Variants in RIMS1 observed in about 807,000 individuals in gnomAD.
RIMS1 encodes the protein regulating synaptic membrane exocytosis 1, also known as regulating synaptic membrane exocytosis protein 1.
Under a neutral mutation model 214.1 loss-of-function variants are expected in RIMS1, and 83 were observed. That is an observed-to-expected ratio of 0.39 (90% CI 0.32 to 0.47). RIMS1 has a LOEUF of 0.47. Ranked by LOEUF, RIMS1 falls within the 20% of genes least tolerant of loss-of-function variation. The pLI, the probability that RIMS1 is intolerant of heterozygous loss-of-function variation, is 0.99. For missense variants in RIMS1, 2,050 were observed against 2,161.8 expected (o/e 0.95, Z 1.03); for synonymous variants, 793 against 786.8 (o/e 1.01, Z -0.13).
At chr6:72,199,793 C>T (rs148870728) in intron 6 of RIMS1, among the ~76,000 whole-genome samples, 2 of 151,940 alleles carry the variant, frequency 1.3e-5, no homozygotes, top group African/African-American at 4.8e-5. Flanking sequence ...TCAGTTTTAA[C>T]AATAGGTAAT....
chr6:72,254,967 A>G (rs181343481), intron 16 of RIMS1, among the ~76,000 whole-genome samples: 2 of 152,324 alleles, frequency 1.3e-5, no homozygotes, highest in African/African-American at 4.8e-5. Context: ...ACTTTAATAG[A>G]ATATGACTAG....
intron 2 of RIMS1, among the ~76,000 whole-genome samples, chr6:71,974,282 G>A (rs141128248): frequency 5.9e-5 from 9 of 152,072 alleles, no homozygotes; most frequent in African/African-American, 2.2e-4. Context: ...TGGTTTCGTG[G>A]GTGGGTGGGA....
At chr6:71,947,760 T>C (rs1561944920) in intron 1 of RIMS1, among the ~76,000 whole-genome samples, 1 of 152,256 alleles carries the variant, frequency 6.6e-6, no homozygotes, top group East Asian at 1.9e-4. Context: ...CTGCATAGTG[T>C]ATACATATAT....
At chr6:72,324,431 T>C (rs553665577) in intron 28 of RIMS1, among the ~76,000 whole-genome samples, 2 of 151,962 alleles carry the variant, frequency 1.3e-5, no homozygotes, top group East Asian at 3.9e-4. Flanking sequence ...AATAGAAGAA[T>C]GCACAACTCA....
Position 72,290,672 on chromosome 6 carries a change from GT to G in RIMS1, c.3555-3del. ...ACTGAAGATCTTTTTTGGCCCTAAT[GT>G]TTTAGGGTTCTCCCAACATGTCTTT... is the stretch of plus-strand genomic sequence containing the variant. On this transcript the variant is annotated splice_region_variant and splice_polypyrimidine_tract_variant and intron_variant, in intron 24 of 33. Coordinates refer to ENST00000521978, the MANE Select transcript of RIMS1 (RefSeq NM_014989.7). The G allele has an allele frequency of 6.2e-7, 1 of 1,611,690 alleles. No homozygotes were observed. The highest frequency in any genetic ancestry group is 1.1e-5 in the South Asian group (1 of 90,732).
chr6:72,110,958 T>C (rs1167975830), intron 4 of RIMS1, among the ~76,000 whole-genome samples: 1 of 152,176 alleles, frequency 6.6e-6, no homozygotes, highest in Non-Finnish European at 1.5e-5. Context: ...GTATAAAAGG[T>C]AATAGGGAGT....
At chr6:72,245,207 A>T (rs930834826) in intron 10 of RIMS1, among the ~76,000 whole-genome samples, 5 of 151,822 alleles carry the variant, frequency 3.3e-5, no homozygotes, top group Admixed American at 3.3e-4. Flanking sequence ...TATTTAGCTA[A>T]CTTCAGTATA....
chr6:71,915,437 G>T (rs909472832), intron 1 of RIMS1, among the ~76,000 whole-genome samples: 2 of 152,092 alleles, frequency 1.3e-5, no homozygotes, highest in African/African-American at 2.4e-5. Flanking sequence ...TGTGTAGGTG[G>T]TCCAAGCTAT....
At chr6:71,899,168 A>G (rs1772804722) in intron 1 of RIMS1, among the ~76,000 whole-genome samples, 1 of 152,116 alleles carries the variant, frequency 6.6e-6, no homozygotes, top group Non-Finnish European at 1.5e-5. Flanking sequence ...ACATTTCTTA[A>G]TTGTGATAAT....
chr6:71,982,793 A>G (rs1054807155), intron 2 of RIMS1, among the ~76,000 whole-genome samples: 3 of 151,814 alleles, frequency 2.0e-5, no homozygotes, highest in African/African-American at 7.3e-5. Context: ...CTATTCCTTT[A>G]CTAGTCTAAT....
At chr6:72,362,267 A>G (rs116489956) in intron 29 of RIMS1, among the ~76,000 whole-genome samples, 1 of 152,298 alleles carries the variant, frequency 6.6e-6, no homozygotes, top group African/African-American at 2.4e-5. Flanking sequence ...AAGTCTGCTA[A>G]TCAACCACTT....
intron 2 of RIMS1, among the ~76,000 whole-genome samples, chr6:72,095,547 G>A (rs571072086): frequency 6.6e-4 from 100 of 152,282 alleles, no homozygotes; most frequent in Admixed American, 2.5e-3. Flanking sequence ...ACTGTTATGT[G>A]CTGGTGCTTG....
chr6:71,926,634 G>A (rs1445090017), intron 1 of RIMS1, among the ~76,000 whole-genome samples: 1 of 151,896 alleles, frequency 6.6e-6, no homozygotes, highest in Non-Finnish European at 1.5e-5. Context: ...ACTTACTTTG[G>A]GGATATGGTT....
At chr6:72,126,871 G>T (rs1255104938) in intron 4 of RIMS1, among the ~76,000 whole-genome samples, 1 of 151,830 alleles carries the variant, frequency 6.6e-6, no homozygotes, top group Non-Finnish European at 1.5e-5. Flanking sequence ...ACAGTTTGGA[G>T]ATTCCTTAAA....
rs2096749193 is a variant in RIMS1, at chr6:72,333,745, G to A, written c.4276G>A (p.Gly1426Ser). 2 of 1,599,648 alleles carry A rather than the reference G, an allele frequency of 1.3e-6. No individual in the cohort carries two copies. The highest frequency in any genetic ancestry group is 1.7e-6 in the Non-Finnish European group (2 of 1,172,992). The change falls in exon 29 of 34, where the codon GGT becomes AGT. Residue 1426 changes from glycine to serine, a missense_variant. Gly to Ser is a moderately conservative substitution (Grantham distance 56). Coordinates refer to ENST00000521978, the MANE Select transcript of RIMS1 (RefSeq NM_014989.7). ...CACAGCTGTGGGTACAGTTGGAGCA[G>A]GTGGAAAGAAACGGAGATCCAGCCT... Reference protein sequence around the residue: ...SDTAVGTVGAGGKKRRSSLSA... With the variant: ...SDTAVGTVGASGKKRRSSLSA...
intron 1 of RIMS1, among the ~76,000 whole-genome samples, chr6:71,955,051 A>C (rs1790815864): frequency 6.6e-6 from 1 of 152,162 alleles, no homozygotes. Flanking sequence ...TGTGTTAAAA[A>C]TATATTTTAT....
At chr6:72,002,770 G>T (rs970540148) in intron 2 of RIMS1, among the ~76,000 whole-genome samples, 2 of 152,172 alleles carry the variant, frequency 1.3e-5, no homozygotes, top group Non-Finnish European at 2.9e-5. Context: ...AGTAGATGAA[G>T]TTGAAAGTCA....
At chr6:72,358,648 T>C (rs2097722897) in intron 29 of RIMS1, among the ~76,000 whole-genome samples, 2 of 152,176 alleles carry the variant, frequency 1.3e-5, no homozygotes, top group African/African-American at 4.8e-5. Context: ...TTGAAATACT[T>C]ATATTCTATT....
At chr6:72,314,292 C>G (rs1047875989) in intron 28 of RIMS1, among the ~76,000 whole-genome samples, 11 of 152,120 alleles carry the variant, frequency 7.2e-5, no homozygotes, top group Middle Eastern at 3.2e-3. Flanking sequence ...TAGTTCTTTA[C>G]TAGTTTTCAG....
Sources: gnomAD v4.1 joint callset for allele counts (sites outside exome capture counted in the v4.1 genomes callset) on GRCh38, gnomAD v4.1.1 for gene constraint, MANE v1.5 for transcripts, NCBI Gene and HGNC (gene_info 2026-07-23, HGNC 2026-07-21) for gene names.